PTPRD: variants seen among roughly 807,000 people sequenced by gnomAD.
PTPRD encodes receptor-type tyrosine-protein phosphatase delta.
A neutral mutation model predicts 214.5 loss-of-function variants in PTPRD; 34 were observed. The ratio of observed to expected loss-of-function variants is 0.16; its 90% CI spans 0.12 to 0.21. The LOEUF (loss-of-function observed/expected upper bound fraction) is 0.21. Among genes scored for constraint, PTPRD ranks in the 10% least tolerant of loss-of-function variants. The pLI is 1.00. For synonymous variants in PTPRD, 1,128 were observed against 845.7 expected, an observed-to-expected ratio of 1.33 and a Z score of -5.79; for missense variants, 2,545 against 2,398.7, an observed-to-expected ratio of 1.06 and a Z score of -1.27.
chr9:8,609,443 G>T (rs532064621), intron 14 of PTPRD, among the ~76,000 whole-genome samples: 59 of 152,252 alleles, frequency 3.9e-4, no homozygotes, highest in African/African-American at 1.4e-3. Context: ...GAAAAGCATT[G>T]CCCTTATGAT....
At chr9:8,463,129 T>C (rs192392943) in intron 32 of PTPRD, among the ~76,000 whole-genome samples, 7 of 151,826 alleles carry the variant, frequency 4.6e-5, no homozygotes, top group Admixed American at 3.3e-4. Flanking sequence ...TGAATTTAAG[T>C]ACAATGAGCT....
chr9:8,782,615 T>G (rs2095767555), intron 11 of PTPRD, among the ~76,000 whole-genome samples: 2 of 99,966 alleles, frequency 2.0e-5, no homozygotes, highest in Admixed American at 1.9e-4. Flanking sequence ...TTTTTTTTTT[T>G]GAGACGGAGT....
At chr9:10,164,486 T>A (rs1324722896) in intron 3 of PTPRD, among the ~76,000 whole-genome samples, 2 of 151,332 alleles carry the variant, frequency 1.3e-5, no homozygotes, top group Admixed American at 1.3e-4. Context: ...AAAAAAAAAA[T>A]CTCCTTTTAC....
intron 11 of PTPRD, among the ~76,000 whole-genome samples, chr9:8,777,354 C>A (rs2095527257): frequency 6.6e-6 from 1 of 151,064 alleles, no homozygotes; most frequent in Admixed American, 6.6e-5. Flanking sequence ...TTTTATATTT[C>A]CTTCTGGAAA....
intron 3 of PTPRD, among the ~76,000 whole-genome samples, chr9:10,328,721 GAAT>G (rs2096693484): frequency 1.3e-5 from 2 of 151,870 alleles, no homozygotes; most frequent in Non-Finnish European, 2.9e-5. Flanking sequence ...TGCAGCAAAA[GAAT>G]AATTTCTTAA....
At chr9:9,664,609 G>A (rs1055461272) in intron 7 of PTPRD, among the ~76,000 whole-genome samples, 1 of 151,620 alleles carries the variant, frequency 6.6e-6, no homozygotes, top group Non-Finnish European at 1.5e-5. Flanking sequence ...TCCATCAAAA[G>A]TTAGACAATT....
intron 2 of PTPRD, among the ~76,000 whole-genome samples, chr9:10,604,719 C>T (rs757772426): frequency 4.6e-5 from 7 of 151,720 alleles, no homozygotes; most frequent in African/African-American, 9.7e-5. Context: ...TTCTTACACA[C>T]TAAAATTATA....
intron 3 of PTPRD, among the ~76,000 whole-genome samples, chr9:10,149,400 GAAC>G (rs2099045349): frequency 6.6e-6 from 1 of 152,168 alleles, no homozygotes; most frequent in African/African-American, 2.4e-5. Context: ...TTTTATGCAT[GAAC>G]AACATGAACA....
intron 11 of PTPRD, among the ~76,000 whole-genome samples, chr9:8,999,839 T>C (rs1589555140): frequency 6.6e-6 from 1 of 152,050 alleles, no homozygotes; most frequent in Non-Finnish European, 1.5e-5. Flanking sequence ...CCGCAGTCTG[T>C]AGATTGAGCT....
At chr9:9,339,196 G>T (rs2045793199) in intron 9 of PTPRD, among the ~76,000 whole-genome samples, 1 of 152,096 alleles carries the variant, frequency 6.6e-6, no homozygotes, top group African/African-American at 2.4e-5. Context: ...CTAGGTGAGA[G>T]GCTAGGCGCG....
chr9:10,232,328 T>A (rs961918340), intron 3 of PTPRD, among the ~76,000 whole-genome samples: 2 of 151,988 alleles, frequency 1.3e-5, no homozygotes, highest in Non-Finnish European at 2.9e-5. Flanking sequence ...CCAGAAATTA[T>A]ACTCTCCTCT....
intron 9 of PTPRD, among the ~76,000 whole-genome samples, chr9:9,308,445 T>C (rs966281778): frequency 2.6e-5 from 4 of 152,200 alleles, no homozygotes; most frequent in Non-Finnish European, 5.9e-5. Context: ...CATCATTTAA[T>C]ATCATGTTAC....
rs1052991131 is a variant in PTPRD, at chr9:9,921,043, C to G, written c.-368+17464G>C. 1.1e-4 allele frequency among the ~76,000 whole-genome samples: 17 copies of G among 152,162 alleles called. No individual in the cohort carries two copies. In the East Asian group the frequency reaches 2.3e-3, roughly 21 times the overall value. On this transcript the variant is annotated intron_variant, in intron 5 of 45. Coordinates refer to ENST00000381196, the MANE Select transcript of PTPRD (RefSeq NM_002839.4). Reference sequence around the variant, plus strand: ...CCTTGCTTTCTTTTTGCCTTTAGCTCCTGGCAAAGGACAGCCTTTTACAGT... The same window carrying G: ...CCTTGCTTTCTTTTTGCCTTTAGCTGCTGGCAAAGGACAGCCTTTTACAGT...
At chr9:9,855,211 C>A (rs1484227166) in intron 5 of PTPRD, among the ~76,000 whole-genome samples, 1 of 152,080 alleles carries the variant, frequency 6.6e-6, no homozygotes, top group Non-Finnish European at 1.5e-5. Flanking sequence ...TTTTAACTTA[C>A]AGCAGCTAAA....
intron 14 of PTPRD, among the ~76,000 whole-genome samples, chr9:8,601,251 A>G (rs763391277): frequency 3.3e-5 from 5 of 152,172 alleles, no homozygotes; most frequent in Non-Finnish European, 7.3e-5. Context: ...GTAGACTTCT[A>G]AAGTTTTTGA....
chr9:8,701,199 T>A (rs1040032395), intron 12 of PTPRD, among the ~76,000 whole-genome samples: 26 of 152,000 alleles, frequency 1.7e-4, no homozygotes, highest in African/African-American at 5.8e-4. Context: ...AGTGCCATAA[T>A]TCAGGGGGAA....
chr9:10,285,457 C>T (rs2095312891), intron 3 of PTPRD, among the ~76,000 whole-genome samples: 1 of 151,978 alleles, frequency 6.6e-6, no homozygotes, highest in Non-Finnish European at 1.5e-5. Context: ...TAACATGTGT[C>T]TAAAGTTAAT....
rs570565693 is a variant in PTPRD at position 9,415,539 on chromosome 9, C to A, written c.-236-18057G>T. On this transcript the variant is annotated intron_variant, in intron 8 of 45. Transcript: ENST00000381196. Reference sequence around the variant, plus strand: ...ACCCTCTCTAATGAGATTTATGAGCCAAGAATTAAAATGTTTGCTAAATTA... The same window carrying A: ...ACCCTCTCTAATGAGATTTATGAGCAAAGAATTAAAATGTTTGCTAAATTA... 5.3e-5 allele frequency among the ~76,000 whole-genome samples: 8 copies of A among 152,076 alleles called. No individual in the cohort carries two copies. In the South Asian group the frequency reaches 1.7e-3, roughly 32 times the overall value.
chr9:10,189,655 C>T (rs2099353776), intron 3 of PTPRD, among the ~76,000 whole-genome samples: 2 of 151,598 alleles, frequency 1.3e-5, no homozygotes. Flanking sequence ...TCACAGAAAG[C>T]AGTAATGAAG....
Sources: gnomAD v4.1 joint callset for allele counts (sites outside exome capture counted in the v4.1 genomes callset) on GRCh38, gnomAD v4.1.1 for gene constraint, MANE v1.5 for transcripts, NCBI Gene and HGNC (gene_info 2026-07-23, HGNC 2026-07-21) for gene names.